The following RNGTT variants were observed in gnomAD, a reference collection of about 807,000 sequenced individuals.
RNGTT encodes the protein mRNA-capping enzyme.
In RNGTT, 33 loss-of-function variants were observed where a neutral mutation model predicts 79.3. That is an observed-to-expected ratio of 0.42 (90% CI 0.32 to 0.56). The LOEUF is 0.56. Ranked by LOEUF, RNGTT falls within the 20% of genes least tolerant of loss-of-function variation. The pLI is 0.17. For missense variants in RNGTT, 497 were observed against 739.1 expected, an observed-to-expected ratio of 0.67 and a Z score of 3.80; for synonymous variants, 222 against 235.9, an observed-to-expected ratio of 0.94 and a Z score of 0.54.
intron 11 of RNGTT, among the ~76,000 whole-genome samples, chr6:88,827,281 C>A (rs1339997224): frequency 6.6e-6 from 1 of 152,076 alleles, no homozygotes; most frequent in East Asian, 1.9e-4. Context: ...CTGGGAAGCA[C>A]AAGGGGTTTG....
intron 12 of RNGTT, among the ~76,000 whole-genome samples, chr6:88,799,375 A>T (rs1779707526): frequency 6.6e-6 from 1 of 152,164 alleles, no homozygotes; most frequent in Non-Finnish European, 1.5e-5. Flanking sequence ...ACTTAATACC[A>T]GATATCAATT....
chr6:88,812,673 G>A (rs116517563), intron 11 of RNGTT, among the ~76,000 whole-genome samples: 1,810 of 152,288 alleles, frequency 0.012, 31 homozygotes, highest in African/African-American at 0.04. Context: ...TAAGACGGAC[G>A]CGTGAGACCA....
intron 11 of RNGTT, among the ~76,000 whole-genome samples, chr6:88,833,220 G>A (rs530632643): frequency 1.4e-4 from 21 of 152,194 alleles, no homozygotes; most frequent in African/African-American, 4.1e-4. Flanking sequence ...GTGGCACATA[G>A]ACACCATGGA....
Position 88,844,504 on chromosome 6 carries a change from A to G in RNGTT, c.1122T>C (p.Asp374=), listed in dbSNP as rs778437044. 6.2e-7 allele frequency: 1 copy of G among 1,609,952 alleles called. No individual in the cohort carries two copies. Among genetic ancestry groups the G allele is most frequent in the Admixed American group, 1.7e-5 (1 of 59,224 alleles). The change falls in exon 11 of 16, where the codon GAT becomes GAC. Residue 374 remains aspartate, a synonymous_variant. Coordinates refer to ENST00000369485, the MANE Select transcript of RNGTT (RefSeq NM_003800.5). ...ACTGCAGACGAACATTAAAATCACAATCTCCAACGGGCTGTGACTGAATTA... is the reference window on the plus strand; with the variant it reads ...ACTGCAGACGAACATTAAAATCACAGTCTCCAACGGGCTGTGACTGAATTA... ...IIKFNSQPVG[D]CDFNVRLQCI...
At chr6:88,759,991 T>G (rs1477796174) in intron 13 of RNGTT, among the ~76,000 whole-genome samples, 1 of 152,150 alleles carries the variant, frequency 6.6e-6, no homozygotes, top group African/African-American at 2.4e-5. Context: ...TGAAAATATA[T>G]ATTAATTGAG....
intron 13 of RNGTT, among the ~76,000 whole-genome samples, chr6:88,707,659 T>C (rs1258683762): frequency 6.7e-6 from 1 of 150,170 alleles, no homozygotes; most frequent in Non-Finnish European, 1.5e-5. Flanking sequence ...CCACACACTA[T>C]GCATAAAGTA....
At chr6:88,942,451 GCCTCAACCT>G (rs1412811965) in intron 1 of RNGTT, among the ~76,000 whole-genome samples, 1 of 151,856 alleles carries the variant, frequency 6.6e-6, no homozygotes, top group African/African-American at 2.4e-5. Context: ...AGCCCCTGCA[GCCTCAACCT>G]CCTGGGCTCA....
chr6:88,696,220 C>T (rs1029417900), intron 13 of RNGTT, among the ~76,000 whole-genome samples: 6 of 152,134 alleles, frequency 3.9e-5, no homozygotes, highest in Non-Finnish European at 7.4e-5. Flanking sequence ...AATAATTCTA[C>T]TTTGTATACA....
chr6:88,801,393 A>T (rs113279016), intron 12 of RNGTT, among the ~76,000 whole-genome samples, 171 bp downstream of exon 12: 2,143 of 152,330 alleles, frequency 0.014, 48 homozygotes, highest in African/African-American at 0.048. Flanking sequence ...ATATAAATAA[A>T]ATCTTTCATA....
chr6:88,756,339 G>A (rs935299436), intron 13 of RNGTT, among the ~76,000 whole-genome samples: 4 of 151,970 alleles, frequency 2.6e-5, no homozygotes, highest in South Asian at 2.1e-4. Context: ...CAGGCGTGAC[G>A]GTGCGCGCCT....
intron 13 of RNGTT, among the ~76,000 whole-genome samples, chr6:88,725,508 G>A (rs1341288073): frequency 1.3e-5 from 2 of 152,212 alleles, no homozygotes; most frequent in Non-Finnish European, 2.9e-5. Flanking sequence ...AAGCCACAGG[G>A]GGTGGTGAAG....
intron 4 of RNGTT, among the ~76,000 whole-genome samples, chr6:88,909,922 T>C (rs1005314505): frequency 2.0e-5 from 3 of 150,538 alleles, no homozygotes; most frequent in Admixed American, 6.6e-5. Flanking sequence ...CAACTGACTA[T>C]ACACAACATT....
intron 1 of RNGTT, among the ~76,000 whole-genome samples, chr6:88,954,765 A>G (rs1249275705): frequency 6.6e-6 from 1 of 151,956 alleles, no homozygotes; most frequent in African/African-American, 2.4e-5. Flanking sequence ...ATACACGACC[A>G]GGCGTGGTGG....
intron 13 of RNGTT, among the ~76,000 whole-genome samples, chr6:88,713,712 G>A (rs1467254569): frequency 2.0e-5 from 3 of 152,018 alleles, no homozygotes; most frequent in East Asian, 3.8e-4. Flanking sequence ...TCAAATAACC[G>A]CCATATTTCT....
chr6:88,909,202 A>G (rs1162310999), intron 4 of RNGTT, among the ~76,000 whole-genome samples: 2 of 152,160 alleles, frequency 1.3e-5, no homozygotes, highest in Non-Finnish European at 2.9e-5. Context: ...TGGCTCAACG[A>G]ACTGGGCACG....
chr6:88,883,524 A>T (rs1331696737), intron 8 of RNGTT, among the ~76,000 whole-genome samples: 1 of 152,226 alleles, frequency 6.6e-6, no homozygotes, highest in Non-Finnish European at 1.5e-5. Context: ...ACTCAGTTCC[A>T]ACCTTAGAAG....
At chr6:88,961,933 T>C (rs2127968675) in intron 1 of RNGTT, among the ~76,000 whole-genome samples, 1 of 152,260 alleles carries the variant, frequency 6.6e-6, no homozygotes, top group African/African-American at 2.4e-5. Context: ...GTAAACAAAT[T>C]GTGGTATACC....
chr6:88,693,873 T>C (rs1053052664), intron 13 of RNGTT, among the ~76,000 whole-genome samples: 5 of 152,134 alleles, frequency 3.3e-5, no homozygotes, highest in Non-Finnish European at 5.9e-5. Flanking sequence ...TCATTAGCTA[T>C]GGCAAAAGAA....
intron 11 of RNGTT, among the ~76,000 whole-genome samples, chr6:88,823,036 T>C (rs577614200): frequency 6.6e-6 from 1 of 152,114 alleles, no homozygotes; most frequent in Admixed American, 6.5e-5. Flanking sequence ...CAAGCAAAGG[T>C]TTCTTTACGC....
Sources: allele counts gnomAD v4.1 joint callset (sites outside exome capture counted in the v4.1 genomes callset), GRCh38; gene constraint gnomAD v4.1.1; transcripts MANE v1.5; gene names NCBI Gene and HGNC (gene_info 2026-07-23, HGNC 2026-07-21).